Variants in ARHGAP15 observed in about 807,000 individuals in gnomAD.
The protein encoded by ARHGAP15 is rho GTPase-activating protein 15.
In ARHGAP15, 51 loss-of-function variants were observed where a neutral mutation model predicts 63.7. That is an observed-to-expected ratio of 0.80 (90% CI 0.64 to 1.01). ARHGAP15 has a LOEUF of 1.01. Among genes scored for constraint, ARHGAP15 ranks in the 50% least tolerant of loss-of-function variants. The pLI, the probability that ARHGAP15 is intolerant of heterozygous loss-of-function variation, is 0.00. For synonymous variants in ARHGAP15, 191 were observed against 193.8 expected (o/e 0.99, Z 0.12); for missense variants, 560 against 564.6 (o/e 0.99, Z 0.08).
intron 6 of ARHGAP15, among the ~76,000 whole-genome samples, chr2:143,422,373 T>C (rs1688959891): frequency 6.6e-6 from 1 of 152,102 alleles, no homozygotes; most frequent in African/African-American, 2.4e-5. Context: ...TTTGAGATCA[T>C]GAAAAAACAA....
intron 3 of ARHGAP15, among the ~76,000 whole-genome samples, chr2:143,207,332 G>A (rs1423027238): frequency 6.6e-6 from 1 of 151,862 alleles, no homozygotes; most frequent in Non-Finnish European, 1.5e-5. Context: ...CAATGACCTT[G>A]GAAAAGTAAC....
At chr2:143,148,749 C>T (rs1034316131) in intron 1 of ARHGAP15, among the ~76,000 whole-genome samples, 3 of 152,028 alleles carry the variant, frequency 2.0e-5, no homozygotes, top group African/African-American at 7.2e-5. Context: ...CTGTGATCTT[C>T]CTTTCTCATT....
intron 5 of ARHGAP15, among the ~76,000 whole-genome samples, chr2:143,229,089 TAA>T (rs1327788944): frequency 1.3e-5 from 2 of 152,140 alleles, no homozygotes; most frequent in African/African-American, 4.8e-5. Flanking sequence ...AAGAATATTA[TAA>T]GACGTAAATC....
At chr2:143,504,347 G>A (rs554168121) in intron 9 of ARHGAP15, among the ~76,000 whole-genome samples, 1 of 152,318 alleles carries the variant, frequency 6.6e-6, no homozygotes, top group South Asian at 2.1e-4. Flanking sequence ...AGATGTATAA[G>A]TTGTGATTCC....
chr2:143,629,156 T>C (rs143549656), intron 12 of ARHGAP15, among the ~76,000 whole-genome samples: 391 of 146,612 alleles, frequency 2.7e-3, no homozygotes, highest in African/African-American at 9.4e-3. Context: ...ACAGAAGGCA[T>C]TTACTTTTTA....
At chr2:143,421,776 A>G (rs1290534154) in intron 6 of ARHGAP15, among the ~76,000 whole-genome samples, 3 of 14,008 alleles carry the variant, frequency 2.1e-4, no homozygotes, top group Non-Finnish European at 3.8e-4. Flanking sequence ...GTATATATAT[A>G]TATATATATA....
At chr2:143,660,293 T>G (rs1184641557) in intron 12 of ARHGAP15, among the ~76,000 whole-genome samples, 2 of 152,214 alleles carry the variant, frequency 1.3e-5, no homozygotes, top group Non-Finnish European at 2.9e-5. Context: ...TTTCCTATTC[T>G]GTAATCCCAG....
chr2:143,627,646 G>A (rs138723336), intron 12 of ARHGAP15, among the ~76,000 whole-genome samples: 93 of 152,078 alleles, frequency 6.1e-4, no homozygotes, highest in African/African-American at 2.0e-3. Context: ...GCGAGTTTTC[G>A]GCTTTATATG....
intron 6 of ARHGAP15, among the ~76,000 whole-genome samples, chr2:143,430,168 C>A (rs1574438032): frequency 7.1e-6 from 1 of 140,562 alleles, no homozygotes; most frequent in Non-Finnish European, 1.6e-5. Context: ...AAGAGAGTTG[C>A]CAAAGTAACT....
intron 13 of ARHGAP15, among the ~76,000 whole-genome samples, chr2:143,730,421 G>A (rs1685475729): frequency 6.6e-6 from 1 of 152,152 alleles, no homozygotes; most frequent in African/African-American, 2.4e-5. Flanking sequence ...TTTCAAACTG[G>A]TAATTCATAA....
At chr2:143,733,906 T>A (rs1379570623) in intron 13 of ARHGAP15, among the ~76,000 whole-genome samples, 1 of 152,110 alleles carries the variant, frequency 6.6e-6, no homozygotes, top group Admixed American at 6.6e-5. Context: ...TCTTAAAAAA[T>A]TATTTAAGAA....
At chr2:143,358,161 C>T (rs1254487134) in intron 6 of ARHGAP15, among the ~76,000 whole-genome samples, 1 of 152,164 alleles carries the variant, frequency 6.6e-6, no homozygotes, top group Non-Finnish European at 1.5e-5. Context: ...TGCTGGGGAG[C>T]AGATGGTGAG....
chr2:143,334,320 T>G (rs1453838567), intron 6 of ARHGAP15, among the ~76,000 whole-genome samples: 1 of 152,220 alleles, frequency 6.6e-6, no homozygotes, highest in Non-Finnish European at 1.5e-5. Flanking sequence ...AAAATACCTT[T>G]TTTCTCAACA....
At chr2:143,326,164 G>A (rs969082767) in intron 6 of ARHGAP15, among the ~76,000 whole-genome samples, 1 of 152,136 alleles carries the variant, frequency 6.6e-6, no homozygotes, top group Non-Finnish European at 1.5e-5. Flanking sequence ...AAACGTCACT[G>A]GGGAACTTAT....
intron 11 of ARHGAP15, among the ~76,000 whole-genome samples, chr2:143,557,281 C>T (rs937156328): frequency 1.3e-5 from 2 of 152,048 alleles, no homozygotes; most frequent in Non-Finnish European, 2.9e-5. Context: ...CACCAGAATA[C>T]ATCCATATAA....
At chr2:143,311,380 A>C (rs952327497) in intron 6 of ARHGAP15, among the ~76,000 whole-genome samples, 1 of 151,834 alleles carries the variant, frequency 6.6e-6, no homozygotes, top group Non-Finnish European at 1.5e-5. Context: ...AAATAATTTG[A>C]AAAATTTCAT....
intron 3 of ARHGAP15, among the ~76,000 whole-genome samples, chr2:143,210,106 G>A (rs1465795628): frequency 3.3e-5 from 5 of 152,242 alleles, no homozygotes; most frequent in East Asian, 1.9e-4. Flanking sequence ...CATTCTCATT[G>A]AAGTCCAGTG....
At chr2:143,435,721 T>C in intron 7 of ARHGAP15, 22 bp downstream of exon 7, 1 of 1,596,418 alleles carries the variant, frequency 6.3e-7, no homozygotes, top group South Asian at 1.1e-5. Context: ...TTTTGGCTGT[T>C]ACCTTTATTA....
At chr2:143,720,690 C>T (rs1275428738) in intron 13 of ARHGAP15, among the ~76,000 whole-genome samples, 1 of 152,134 alleles carries the variant, frequency 6.6e-6, no homozygotes, top group Non-Finnish European at 1.5e-5. Context: ...AGCACTTCTG[C>T]TGCACTAGCT....
Sources: gnomAD v4.1 joint callset for allele counts (sites outside exome capture counted in the v4.1 genomes callset) on GRCh38, gnomAD v4.1.1 for gene constraint, MANE v1.5 for transcripts, NCBI Gene and HGNC (gene_info 2026-07-23, HGNC 2026-07-21) for gene names.